The following DNAH14 variants were observed in gnomAD, a reference collection of about 807,000 sequenced individuals.
DNAH14 encodes the protein dynein axonemal heavy chain 14, also known as axonemal beta dynein heavy chain 14.
In DNAH14, 478 loss-of-function variants were observed where a neutral mutation model predicts 520.9. That is an observed-to-expected ratio of 0.92 (90% confidence interval 0.85 to 0.99). The LOEUF (loss-of-function observed/expected upper bound fraction) is 0.99. Ranked by LOEUF, DNAH14 falls within the 50% of genes least tolerant of loss-of-function variation. The pLI is 0.00. For synonymous variants in DNAH14, 1,581 were observed against 1,757.2 expected, an observed-to-expected ratio of 0.90 and a Z score of 2.51; for missense variants, 4,831 against 5,234.5, an observed-to-expected ratio of 0.92 and a Z score of 2.38.
intron 41 of DNAH14, among the ~76,000 whole-genome samples, chr1:225,213,867 A>G (rs1316377690): frequency 1.3e-5 from 2 of 152,128 alleles, no homozygotes; most frequent in Non-Finnish European, 2.9e-5. Flanking sequence ...GGATAATTTG[A>G]CTTCCTCTTT....
chr1:225,001,698 A>C (rs1208600607), intron 8 of DNAH14, among the ~76,000 whole-genome samples: 1 of 152,200 alleles, frequency 6.6e-6, no homozygotes, highest in Non-Finnish European at 1.5e-5. Flanking sequence ...CAAACACTGA[A>C]TAATGTGAGT....
At chr1:224,934,627 A>G (rs1233968350) in intron 1 of DNAH14, among the ~76,000 whole-genome samples, 1 of 151,846 alleles carries the variant, frequency 6.6e-6, no homozygotes, top group African/African-American at 2.4e-5. Context: ...ACAAAATACT[A>G]GATAAAAACT....
Position 225,265,186 on chromosome 1 carries a change from TC to T in DNAH14, c.7230del (p.Thr2411LeufsTer22). ...HKTATGSSDN[P>X]TKKPEVRTNK... is the part of the protein sequence containing the mutation. ...TTTCTATGTTTGGCATCACAGATAA[TC>T]CCACTAAAAAGCCAGAAGTTAGAAC... On this transcript the variant is annotated frameshift_variant, in exon 48 of 86. Coordinates refer to ENST00000682510, the MANE Select transcript of DNAH14 (RefSeq NM_001367479.1). LOFTEE classifies it high-confidence loss of function. The T allele has an allele frequency of 6.8e-7, 1 of 1,467,934 alleles. No homozygotes were observed. Among genetic ancestry groups the T allele is most frequent in the Non-Finnish European group, 9.0e-7 (1 of 1,116,412 alleles). The allele number at this position is 1,467,934 out of a possible 1,614,324, so 90.9% of individuals were successfully genotyped here. A position where few individuals can be genotyped will look rare whatever the true frequency, so the allele number is the denominator to read the frequency against.
chr1:225,170,377 C>A (rs919133859), intron 36 of DNAH14, among the ~76,000 whole-genome samples: 3 of 152,152 alleles, frequency 2.0e-5, no homozygotes, highest in African/African-American at 7.2e-5. Context: ...GGAGACCCAT[C>A]TCACGTGCAG....
At chr1:225,098,270 GT>G (rs1295027269) in intron 22 of DNAH14, among the ~76,000 whole-genome samples, 3 of 89,986 alleles carry the variant, frequency 3.3e-5, no homozygotes, top group South Asian at 8.6e-4. Flanking sequence ...CTGGGCAGTT[GT>G]TAAAAAATTC....
chr1:225,349,190 A>G (rs2095329830), intron 71 of DNAH14, among the ~76,000 whole-genome samples: 1 of 152,106 alleles, frequency 6.6e-6, no homozygotes, highest in Non-Finnish European at 1.5e-5. Flanking sequence ...CCAGGCTGGC[A>G]GTAGAATTTT....
chr1:225,378,214 A>T (rs1358009428), intron 79 of DNAH14, among the ~76,000 whole-genome samples: 1 of 151,872 alleles, frequency 6.6e-6, no homozygotes, highest in Non-Finnish European at 1.5e-5. Flanking sequence ...TCACTTTGAG[A>T]GGCTATAATT....
chr1:225,278,757 T>C (rs2093555363), intron 54 of DNAH14, among the ~76,000 whole-genome samples: 1 of 152,202 alleles, frequency 6.6e-6, no homozygotes, highest in Non-Finnish European at 1.5e-5. Flanking sequence ...AGCATGTCTT[T>C]TCTAGCAAGA....
chr1:225,206,138 G>T lies in DNAH14; in HGVS notation c.6145G>T (p.Ala2049Ser). The T allele has an allele frequency of 1.3e-6, 2 of 1,551,384 alleles. No homozygotes were observed. Among genetic ancestry groups the T allele is most frequent in the Non-Finnish European group, 1.7e-6 (2 of 1,146,810 alleles). The change falls in exon 40 of 86, where the codon GCC (alanine) becomes TCC (serine). Residue 2049 changes from alanine to serine, a missense_variant. By Grantham distance (99) the Ala-to-Ser change is moderately conservative (BLOSUM62 1). Transcript: ENST00000682510. ...VIFEVDNLSQASPATVSRCAM... is the reference protein window; with the variant it reads ...VIFEVDNLSQSSPATVSRCAM... ...TTTTGAAGTGGACAATCTCTCTCAGGCCAGTCCTGCTACTGTCAGCCGATG... is the reference window on the plus strand; with the variant it reads ...TTTTGAAGTGGACAATCTCTCTCAGTCCAGTCCTGCTACTGTCAGCCGATG...
intron 41 of DNAH14, among the ~76,000 whole-genome samples, chr1:225,227,639 T>C (rs2090668502): frequency 1.3e-5 from 2 of 152,116 alleles, no homozygotes; most frequent in Non-Finnish European, 2.9e-5. Context: ...GTGGCATCAA[T>C]CAGTTTCATA....
chr1:225,059,802 A>G (rs1010145247), intron 17 of DNAH14, among the ~76,000 whole-genome samples: 5 of 152,098 alleles, frequency 3.3e-5, no homozygotes, highest in African/African-American at 7.2e-5. Context: ...GTTTGGCTGG[A>G]TATGAAATTC....
chr1:224,995,223 C>G (rs527925850), intron 8 of DNAH14, among the ~76,000 whole-genome samples: 27 of 152,186 alleles, frequency 1.8e-4, no homozygotes, highest in African/African-American at 5.8e-4. Flanking sequence ...GTAAAGCAGG[C>G]CTGGTACTGA....
chr1:225,316,385 G>A (rs2094467662), intron 60 of DNAH14, among the ~76,000 whole-genome samples: 1 of 152,204 alleles, frequency 6.6e-6, no homozygotes. Context: ...GGCATTCCAG[G>A]CACCACTGGG....
intron 5 of DNAH14, 127 bp from the exon 6 acceptor site, chr1:224,967,304 G>T (rs886912124): frequency 1.5e-5 from 8 of 516,882 alleles, no homozygotes; most frequent in Non-Finnish European, 1.8e-5. Context: ...TCCAAATATA[G>T]TATTCTTATT....
intron 38 of DNAH14, among the ~76,000 whole-genome samples, chr1:225,201,305 C>T (rs2086792735): frequency 1.3e-5 from 2 of 152,120 alleles, no homozygotes; most frequent in Admixed American, 6.5e-5. Context: ...TTGGGCTTCA[C>T]CTTTCTCTGG....
At chr1:225,046,145 A>G (rs1467567978) in intron 15 of DNAH14, among the ~76,000 whole-genome samples, 1 of 151,472 alleles carries the variant, frequency 6.6e-6, no homozygotes, top group African/African-American at 2.4e-5. Context: ...AGGTATGTAT[A>G]TATGTGTGTA....
chr1:225,084,350 G>T (rs1434682977), intron 20 of DNAH14, among the ~76,000 whole-genome samples: 6 of 152,072 alleles, frequency 3.9e-5, no homozygotes, highest in Admixed American at 2.0e-4. Context: ...ATGCCAAAAT[G>T]GACAGGATTT....
At chr1:225,004,453 A>G (rs2064010144) in intron 9 of DNAH14, among the ~76,000 whole-genome samples, 1 of 152,184 alleles carries the variant, frequency 6.6e-6, no homozygotes, top group Non-Finnish European at 1.5e-5. Flanking sequence ...GAATAGCCAT[A>G]GAAGAGGAGA....
Position 225,346,675 on chromosome 1 carries a change from C to T in DNAH14, c.11296+21C>T, listed in dbSNP as rs746442448. On this transcript the variant is annotated intron_variant, in intron 71 of 85. Transcript: ENST00000682510. ...TACTAGTAAGTAAAAGTTACTATTC[C>T]GGATTCAGTAAAAGTCCATTAAAAG... is the stretch of plus-strand genomic sequence containing the variant. 6.8e-5 allele frequency: 102 copies of T among 1,502,942 alleles called. 1 individual carries two copies. In the South Asian group the frequency reaches 7.2e-4, roughly 11 times the overall value. 93.1% of individuals were successfully genotyped at this position (1,502,942 alleles called of 1,614,324 possible). A position where few individuals can be genotyped will look rare whatever the true frequency, so the allele number is the denominator to read the frequency against.
Sources: allele counts gnomAD v4.1 joint callset (sites outside exome capture counted in the v4.1 genomes callset), GRCh38; gene constraint gnomAD v4.1.1; transcripts MANE v1.5; gene names NCBI Gene and HGNC (gene_info 2026-07-23, HGNC 2026-07-21).